Variants in SLIRP observed in about 807,000 individuals in gnomAD.
SLIRP encodes SRA stem-loop interacting RNA binding protein.
Under a neutral mutation model 13.4 loss-of-function variants are expected in SLIRP, and 12 were observed. That is an observed-to-expected ratio of 0.89 (90% CI 0.57 to 1.45). The LOEUF is 1.45. Ranked by LOEUF, SLIRP falls within the 40% of genes most tolerant of loss-of-function variation. The probability of loss-of-function intolerance (pLI) is 0.00; values close to 1 mark genes in which losing one functional copy is unlikely to be tolerated. For missense variants in SLIRP, 154 were observed against 132.2 expected, an observed-to-expected ratio of 1.17 and a Z score of -0.81; for synonymous variants, 55 against 47.1, an observed-to-expected ratio of 1.17 and a Z score of -0.69.
chr14:77,712,706 A>C (rs940622359), intron 2 of SLIRP, among the ~76,000 whole-genome samples: 14 of 152,132 alleles, frequency 9.2e-5, no homozygotes, highest in African/African-American at 3.1e-4. Flanking sequence ...TGGGCTTCCC[A>C]AAATGCTGGG....
At chr14:77,711,471 T>C (rs2080440226) in intron 2 of SLIRP, among the ~76,000 whole-genome samples, 1 of 152,040 alleles carries the variant, frequency 6.6e-6, no homozygotes, top group African/African-American at 2.4e-5. Flanking sequence ...ACTATAGACA[T>C]GTGCCACCAT....
chr14:77,715,668 A>G, intron 2 of SLIRP, 104 bp from the exon 3 acceptor site: 1 of 948,526 alleles, frequency 1.1e-6, no homozygotes, highest in Non-Finnish European at 1.6e-6. Flanking sequence ...ATTAAATTAA[A>G]AAGTCCGATT....
chr14:77,711,333 A>T (rs2080439011), intron 2 of SLIRP, among the ~76,000 whole-genome samples: 2 of 151,750 alleles, frequency 1.3e-5, no homozygotes, highest in African/African-American at 4.8e-5. Flanking sequence ...AAAGTGTTTT[A>T]AAAAATTCTT....
chr14:77,714,754 T>TG (rs1305566002), intron 2 of SLIRP, among the ~76,000 whole-genome samples: 4 of 152,194 alleles, frequency 2.6e-5, no homozygotes, highest in African/African-American at 9.6e-5. Context: ...AAGTTATCCT[T>TG]GAAGTAGAGG....
intron 2 of SLIRP, 106 bp downstream of exon 2, chr14:77,711,002 A>G (rs2080435994): frequency 1.1e-6 from 1 of 922,804 alleles, no homozygotes; most frequent in Non-Finnish European, 1.7e-6. Context: ...ACTATGGTCA[A>G]TAATAATTGT....
At chr14:77,710,599 A>G (rs779506000) in intron 1 of SLIRP, 2 of 1,502,318 alleles carry the variant, frequency 1.3e-6, no homozygotes, top group East Asian at 2.6e-5. Flanking sequence ...AAAACACTCG[A>G]TATTTGCTGA....
chr14:77,716,760 G>A (rs886890473), intron 3 of SLIRP, among the ~76,000 whole-genome samples: 1 of 151,762 alleles, frequency 6.6e-6, no homozygotes, highest in African/African-American at 2.4e-5. Flanking sequence ...GGACATAACA[G>A]TCTACTTTTC....
At chr14:77,713,967 C>T (rs2080458156) in intron 2 of SLIRP, among the ~76,000 whole-genome samples, 1 of 151,504 alleles carries the variant, frequency 6.6e-6, no homozygotes, top group Non-Finnish European at 1.5e-5. Flanking sequence ...TAAAATATGA[C>T]AAAAAAAATA....
chr14:77,713,024 A>G (rs1555385642), intron 2 of SLIRP, among the ~76,000 whole-genome samples: 1 of 152,130 alleles, frequency 6.6e-6, no homozygotes, highest in Non-Finnish European at 1.5e-5. Flanking sequence ...TCCTCCACCC[A>G]AGGAGGGGAG....
At chr14:77,716,536 AGCTACTCAGGAGACTGAG>A (rs752105795) in intron 3 of SLIRP, among the ~76,000 whole-genome samples, 5,332 of 149,270 alleles carry the variant, frequency 0.036, 138 homozygotes, top group South Asian at 0.054. Flanking sequence ...CTGTAGTCCC[AGCTACTCAGGAGACTGAG>A]GCAGGAGAAC....
intron 3 of SLIRP, chr14:77,716,392 A>T (rs2080479976): frequency 1.3e-5 from 2 of 152,058 alleles, no homozygotes; most frequent in Non-Finnish European, 1.5e-5. Flanking sequence ...CATGCCTATA[A>T]TCCCAGCACT....
chr14:77,717,462 GCCTTTCCT>G, intron 3 of SLIRP, 26 bp from the exon 4 acceptor site: 1 of 1,585,454 alleles, frequency 6.3e-7, no homozygotes. Flanking sequence ...TGCAGACATT[GCCTTTCCT>G]CCCTTACAGT....
chr14:77,716,703 A>G (rs1243184883), intron 3 of SLIRP, among the ~76,000 whole-genome samples: 1 of 151,646 alleles, frequency 6.6e-6, no homozygotes, highest in Non-Finnish European at 1.5e-5. Context: ...AAGGTCCAGG[A>G]AAGTACAAGA....
At position 77,708,133 on chromosome 14, in the gene SLIRP, G is replaced by A. The variant is rs762954893; in HGVS notation, c.22G>A (p.Gly8Ser). Residue 8 changes from glycine to serine, a missense_variant, in exon 1 of 4, where the codon GGT becomes AGT. Transcript: ENST00000557342. Reference sequence around the variant, plus strand: ...GAAGATGGCGGCCTCAGCAGCGAGAGGTGCTGCGGCGCTGCGTAGAAGTAT... The same window carrying A: ...GAAGATGGCGGCCTCAGCAGCGAGAAGTGCTGCGGCGCTGCGTAGAAGTAT... MAASAAR[G>S]AAALRRSINQ... The A allele has an allele frequency of 6.2e-7, 1 of 1,614,120 alleles. No homozygotes were observed. Among genetic ancestry groups the A allele is most frequent in the Non-Finnish European group, 8.5e-7 (1 of 1,179,982 alleles).
At chr14:77,714,312 A>G (rs764142449) in intron 2 of SLIRP, among the ~76,000 whole-genome samples, 2 of 151,128 alleles carry the variant, frequency 1.3e-5, no homozygotes, top group Non-Finnish European at 3.0e-5. Flanking sequence ...GGACTGAGTT[A>G]TTTTTTTTGA....
chr14:77,710,498 A>G, intron 1 of SLIRP: 1 of 1,047,094 alleles, frequency 9.6e-7, no homozygotes, highest in Non-Finnish European at 1.3e-6. Flanking sequence ...TCTTCAGTAT[A>G]CCGGGAAACA....
At chr14:77,709,921 G>A (rs2080427568) in intron 1 of SLIRP, among the ~76,000 whole-genome samples, 1 of 152,144 alleles carries the variant, frequency 6.6e-6, no homozygotes, top group South Asian at 2.1e-4. Context: ...TTGAGGCCCT[G>A]CTGTTTATTG....
In SLIRP at chr14:77,717,536, C is replaced by CTGA; in HGVS notation, c.312_314dup (p.Asp104dup). On this transcript the variant is annotated inframe_insertion, in exon 4 of 4. Transcript: ENST00000557342. The stretch of plus-strand genomic sequence containing the variant: ...AGAAGGCCAAAACTTCCGCAAACAT[C>CTGA]TGATGATGAAAAGAAAGATTTTTGA... The CTGA allele has an allele frequency of 6.2e-7, 1 of 1,614,010 alleles. No homozygotes were observed. The highest frequency in any genetic ancestry group is 8.5e-7 in the Non-Finnish European group (1 of 1,179,968).
At chr14:77,715,422 T>C (rs994632306) in intron 2 of SLIRP, among the ~76,000 whole-genome samples, 2 of 152,028 alleles carry the variant, frequency 1.3e-5, no homozygotes, top group African/African-American at 4.8e-5. Flanking sequence ...GATGGGAAGA[T>C]TGCTTGAGCC....
Sources: gnomAD v4.1 joint callset for allele counts (sites outside exome capture counted in the v4.1 genomes callset) on GRCh38, gnomAD v4.1.1 for gene constraint, MANE v1.5 for transcripts, NCBI Gene and HGNC (gene_info 2026-07-23, HGNC 2026-07-21) for gene names.